UTP18: variants seen among roughly 807,000 people sequenced by gnomAD.
UTP18 encodes U3 small nucleolar RNA-associated protein 18 homolog.
A neutral mutation model predicts 61.1 loss-of-function variants in UTP18; 36 were observed. The ratio of observed to expected loss-of-function variants is 0.59; its 90% CI spans 0.45 to 0.78. UTP18 has a LOEUF of 0.78. Ranked by LOEUF, UTP18 falls within the 30% of genes least tolerant of loss-of-function variation. The pLI is 0.00. For synonymous variants in UTP18, 282 were observed against 251.1 expected (o/e 1.12, Z -1.16); for missense variants, 753 against 693.9 (o/e 1.09, Z -0.96).
chr17:51,292,029 A>T (rs1905252435), intron 11 of UTP18, among the ~76,000 whole-genome samples: 1 of 152,166 alleles, frequency 6.6e-6, no homozygotes, highest in Non-Finnish European at 1.5e-5. Flanking sequence ...GGCATGCTTG[A>T]AGGATACAAA....
At chr17:51,272,856 T>G (rs1904573797) in intron 4 of UTP18, among the ~76,000 whole-genome samples, 2 of 152,232 alleles carry the variant, frequency 1.3e-5, no homozygotes, top group Admixed American at 1.3e-4. Context: ...CTGTCTCCAC[T>G]GGAATCATCA....
At position 51,266,254 on chromosome 17, in the gene UTP18, C is replaced by G. The variant is rs1338380239; in HGVS notation, c.528C>G (p.Asp176Glu). 6.9e-6 allele frequency: 11 copies of G among 1,600,258 alleles called. No individual in the cohort carries two copies. The highest frequency in any genetic ancestry group is 9.4e-6 in the Non-Finnish European group (11 of 1,175,616). Reference protein sequence around the residue: ...KNASESKLSKDNLKKRLKEEF... With the variant: ...KNASESKLSKENLKKRLKEEF... ...CTAGTGAAAGTAAACTTTCGAAAGACAACCTTAAAAAGAGACTTAAAGAAG... is the reference window on the plus strand; with the variant it reads ...CTAGTGAAAGTAAACTTTCGAAAGAGAACCTTAAAAAGAGACTTAAAGAAG... Residue 176 changes from aspartate (D) to glutamate (E), a missense_variant, in exon 3 of 14, where the codon GAC (aspartate) becomes GAG (glutamate). Transcript: ENST00000225298.
chr17:51,297,576 T>G (rs117565932), intron 13 of UTP18, among the ~76,000 whole-genome samples: 3 of 152,336 alleles, frequency 2.0e-5, no homozygotes, highest in Non-Finnish European at 4.4e-5. Flanking sequence ...CCTCAGAGAT[T>G]AATGAATGTT....
At chr17:51,274,191 G>A (rs917369679) in intron 5 of UTP18, among the ~76,000 whole-genome samples, 1 of 152,080 alleles carries the variant, frequency 6.6e-6, no homozygotes, top group African/African-American at 2.4e-5. Context: ...TGCCTGCCTT[G>A]TCTTCAGGAA....
chr17:51,284,149 C>G (rs1489939058), intron 9 of UTP18, among the ~76,000 whole-genome samples: 1 of 152,234 alleles, frequency 6.6e-6, no homozygotes, highest in Non-Finnish European at 1.5e-5. Context: ...AACCTGCACG[C>G]TTACTCTAGC....
chr17:51,269,830 A>C (rs1904451249), intron 4 of UTP18, among the ~76,000 whole-genome samples: 1 of 140,080 alleles, frequency 7.1e-6, no homozygotes, highest in South Asian at 2.6e-4. Flanking sequence ...AAATATATCA[A>C]ATAATGTATT....
At chr17:51,292,518 A>G (rs1471912073) in intron 11 of UTP18, among the ~76,000 whole-genome samples, 2 of 152,268 alleles carry the variant, frequency 1.3e-5, no homozygotes, top group African/African-American at 4.8e-5. Flanking sequence ...AGGTGTATGT[A>G]TCAGTGGTTT....
At chr17:51,283,739 C>T (rs184058846) in intron 9 of UTP18, among the ~76,000 whole-genome samples, 4 of 151,776 alleles carry the variant, frequency 2.6e-5, no homozygotes, top group Non-Finnish European at 5.9e-5. Context: ...TCAGCCTCCC[C>T]GAGTAGCTGG....
intron 3 of UTP18, among the ~76,000 whole-genome samples, chr17:51,268,483 C>G (rs1329611940): frequency 6.6e-6 from 1 of 152,174 alleles, no homozygotes; most frequent in African/African-American, 2.4e-5. Context: ...AGTGTGTAGT[C>G]TATGTACTGT....
intron 7 of UTP18, among the ~76,000 whole-genome samples, chr17:51,279,621 G>A (rs1241646219): frequency 6.6e-6 from 1 of 152,122 alleles, no homozygotes; most frequent in African/African-American, 2.4e-5. Flanking sequence ...GTCTCTAGTG[G>A]CAGTGTATTT....
chr17:51,297,783 T>C lies in UTP18; in HGVS notation c.*16T>C. 1 of 416,102 alleles carries C rather than the reference T, an allele frequency of 2.4e-6. No individual in the cohort carries two copies. The highest frequency in any genetic ancestry group is 4.7e-6 in the Non-Finnish European group (1 of 214,246). 25.8% of individuals were successfully genotyped at this position (416,102 alleles called of 1,614,324 possible). ...TAATTTCTTTTGTTCTTTCCTCAGG[T>C]CCAGTTGAGTCACAAGAGAAGCCTG... On this transcript the variant is annotated splice_region_variant and 3_prime_UTR_variant, in exon 14 of 14. Coordinates refer to ENST00000225298, the MANE Select transcript of UTP18 (RefSeq NM_016001.3).
intron 9 of UTP18, among the ~76,000 whole-genome samples, chr17:51,282,369 A>G (rs191913860): frequency 1.3e-4 from 20 of 152,238 alleles, no homozygotes; most frequent in Admixed American, 8.5e-4. Context: ...TCACAAGGTT[A>G]TTTACATTGG....
chr17:51,294,166 C>A, intron 12 of UTP18, 121 bp downstream of exon 12: 1 of 721,996 alleles, frequency 1.4e-6, no homozygotes, highest in Non-Finnish European at 2.0e-6. Context: ...TCTTGACTCT[C>A]ATCTTCATTA....
At chr17:51,268,716 T>A (rs1904396306) in intron 3 of UTP18, 121 bp from the exon 4 acceptor site, 1 of 758,380 alleles carries the variant, frequency 1.3e-6, no homozygotes, top group African/African-American at 1.8e-5. Context: ...GATAGTTACT[T>A]CTTTGGAAGA....
In UTP18 at chr17:51,285,230, C is replaced by T. The variant is rs368215921; in HGVS notation, c.1205-15C>T. 117 of 1,607,690 alleles carry T rather than the reference C, an allele frequency of 7.3e-5. No individual in the cohort carries two copies. The highest frequency in any genetic ancestry group is 8.6e-5 in the Non-Finnish European group (101 of 1,178,258). On this transcript the variant is annotated splice_polypyrimidine_tract_variant and intron_variant, in intron 9 of 13. Coordinates refer to ENST00000225298, the MANE Select transcript of UTP18 (RefSeq NM_016001.3). ...AAGCAAAATTAACAACTCTTTTTTT[C>T]GCTCTTTTATGCAGGGGATGGAGAA...
rs1346652185 is a variant in UTP18, at chr17:51,280,385, T to G, written c.1114-4T>G. 2.5e-6 allele frequency: 4 copies of G among 1,613,672 alleles called. No individual in the cohort carries two copies. The South Asian group carries it at 3.3e-5, about 13-fold the overall frequency. ...AGTTTGATAAATAATATTTATTGTT[T>G]TAGACCAAAGAACTGATTGGAAGCA... is the stretch of plus-strand genomic sequence containing the variant. On this transcript the variant is annotated splice_region_variant and splice_polypyrimidine_tract_variant and intron_variant, in intron 8 of 13. Transcript: ENST00000225298.
At chr17:51,282,867 C>CTTCTTT (rs753924069) in intron 9 of UTP18, among the ~76,000 whole-genome samples, 20 of 120,694 alleles carry the variant, frequency 1.7e-4, no homozygotes, top group African/African-American at 5.1e-4. Flanking sequence ...TCTTCTTCTT[C>CTTCTTT]TTTTTTTTTT....
Position 51,283,013 on chromosome 17 carries a change from C to T in UTP18, c.1205-2232C>T, listed in dbSNP as rs1343636009. Among the ~76,000 whole-genome samples the T allele has an allele frequency of 5.9e-5, 9 of 151,634 alleles. No homozygotes were observed. The East Asian group carries it at 1.6e-3, about 26-fold the overall frequency. On this transcript the variant is annotated intron_variant, in intron 9 of 13. Coordinates refer to ENST00000225298, the MANE Select transcript of UTP18 (RefSeq NM_016001.3). ...CCTCCTGAGTAGCTGGAATTACAGG[C>T]GCATACCGCCATACCCAGCTAATTT...
Position 51,285,343 on chromosome 17 carries a change from A to G in UTP18, c.1303A>G (p.Arg435Gly), listed in dbSNP as rs1905071662. ...SLYGLSIATS[R>G]NGQYVACGSN... ...ATATGGATTAAGCATTGCCACATCT[A>G]GGAATGGACAGTATGTTGCTTGTGG... Residue 435 changes from arginine to glycine, a missense_variant, in exon 10 of 14, where the codon AGG becomes GGG. By Grantham distance (125) the Arg-to-Gly change is moderately radical. Transcript: ENST00000225298. 3 of 1,613,792 alleles carry G rather than the reference A, an allele frequency of 1.9e-6. No individual in the cohort carries two copies. Among genetic ancestry groups the G allele is most frequent in the Admixed American group, 1.7e-5 (1 of 60,008 alleles).
Sources: allele counts gnomAD v4.1 joint callset (sites outside exome capture counted in the v4.1 genomes callset), GRCh38; gene constraint gnomAD v4.1.1; transcripts MANE v1.5; gene names NCBI Gene and HGNC (gene_info 2026-07-23, HGNC 2026-07-21).